MTMR4: variants seen among roughly 807,000 people sequenced by gnomAD.
MTMR4 encodes phosphatidylinositol-3,5-bisphosphate 3-phosphatase MTMR4.
Under a neutral mutation model 125.5 loss-of-function variants are expected in MTMR4, and 30 were observed. That is an observed-to-expected ratio of 0.24 (90% CI 0.18 to 0.32). The LOEUF (loss-of-function observed/expected upper bound fraction) is 0.32, where lower values mean the gene tolerates loss of function less well. MTMR4 is among the 10% of genes least tolerant of loss of function. The pLI is 1.00. For missense variants in MTMR4, 1,039 were observed against 1,511.5 expected (o/e 0.69, Z 5.18); for synonymous variants, 498 against 564.5 (o/e 0.88, Z 1.67).
At chr17:58,492,270 C>T (rs1041052164) in intron 17 of MTMR4, among the ~76,000 whole-genome samples, 19 of 152,190 alleles carry the variant, frequency 1.2e-4, no homozygotes, top group African/African-American at 4.3e-4. Flanking sequence ...CTCCCTGGTT[C>T]GAGCTATTCT....
Position 58,512,561 on chromosome 17 carries a change from T to C in MTMR4, c.136-55A>G. On this transcript the variant is annotated intron_variant, in intron 2 of 17. Transcript: ENST00000682306. The surrounding 1 kb of genome is among the most constrained non-coding windows in gnomAD (Gnocchi z 4.1). ...AGAAGTGAGTGACCACCTTATCCTC[T>C]TCTACAGCCCCTGATCTGTGGGATC... 3 of 1,377,472 alleles carry C rather than the reference T, an allele frequency of 2.2e-6. No homozygotes were observed. The allele number at this position is 1,377,472 out of a possible 1,614,324, so 85.3% of individuals were successfully genotyped here.
Position 58,491,734 on chromosome 17 carries a change from T to C in MTMR4, c.3559A>G (p.Ile1187Val). The C allele has an allele frequency of 1.9e-6, 3 of 1,614,142 alleles. No individual in the cohort carries two copies. Among genetic ancestry groups the C allele is most frequent in the Non-Finnish European group, 2.5e-6 (3 of 1,179,980 alleles). Residue 1187 changes from isoleucine to valine, a missense_variant, in exon 18 of 18, where the codon ATT (isoleucine) becomes GTT (valine). Transcript: ENST00000682306. ...VLVCNSCYEH[I>V]QVSRARELMS... Reference sequence around the variant, plus strand: ...AGTTCCCTGGCACGAGAGACTTGAATGTGTTCGTAACATGAGTTACAGACG... The same window carrying C: ...AGTTCCCTGGCACGAGAGACTTGAACGTGTTCGTAACATGAGTTACAGACG...
chr17:58,502,135 TA>T lies in MTMR4; in HGVS notation c.1853+1608del, dbSNP rs566122065. 2.4e-4 allele frequency among the ~76,000 whole-genome samples: 36 copies of T among 147,918 alleles called. 1 individual carries two copies. The East Asian group carries it at 7.2e-3, about 29-fold the overall frequency. ...ATGTACTTAAAAATGGTGTAGATGG[TA>T]AATAGCATGTGTATTTTACAATTTT... On this transcript the variant is annotated intron_variant, in intron 14 of 17. Coordinates refer to ENST00000682306, the MANE Select transcript of MTMR4 (RefSeq NM_001378067.1).
chr17:58,505,491 G>T lies in MTMR4; in HGVS notation c.1126C>A (p.Gln376Lys). The T allele has an allele frequency of 6.2e-7, 1 of 1,612,784 alleles. No homozygotes were observed. The highest frequency in any genetic ancestry group is 8.5e-7 in the Non-Finnish European group (1 of 1,179,204). Residue 376 changes from glutamine to lysine, a missense_variant, in exon 10 of 18, where the codon CAG becomes AAG. Transcript: ENST00000682306. ...SFQYLRAVCS[Q>K]MPDPSNWLSA... ...ACCTACTTGCTAGGATCCGGCATCTGGCTACACACAGCCCGGAGGTACTGA... is the reference window on the plus strand; with the variant it reads ...ACCTACTTGCTAGGATCCGGCATCTTGCTACACACAGCCCGGAGGTACTGA...
Position 58,496,128 on chromosome 17 carries a change from C to T in MTMR4, c.2056G>A (p.Glu686Lys), listed in dbSNP as rs1377762937. 1 of 1,614,206 alleles carries T rather than the reference C, an allele frequency of 6.2e-7. No homozygotes were observed. The highest frequency in any genetic ancestry group is 1.7e-5 in the Admixed American group (1 of 60,028). Residue 686 changes from glutamate (E) to lysine (K), a missense_variant, in exon 15 of 18, where the codon GAA becomes AAA. By Grantham distance (56) the Glu-to-Lys change is moderately conservative (BLOSUM62 1). Around this residue, in one of 6 missense-constraint regions of MTMR4, gnomAD observed 619 missense variants for 714.5 expected, o/e 0.87. Transcript: ENST00000682306. ...GVGGPQQTVG[E>K]VGLPPPLPSS... ...GGCAGAGGAGGAGGAAGACCCACTT[C>T]TCCTACAGTTTGCTGAGGCCCTCCT... is the stretch of plus-strand genomic sequence containing the variant.
chr17:58,506,843 C>T lies in MTMR4; in HGVS notation c.933G>A (p.Val311=). The T allele has an allele frequency of 6.2e-7, 1 of 1,613,110 alleles. No homozygotes were observed. The highest frequency in any genetic ancestry group is 8.5e-7 in the Non-Finnish European group (1 of 1,179,838). The change falls in exon 9 of 18, where the codon GTG becomes GTA. Residue 311 remains valine, a synonymous_variant. Coordinates refer to ENST00000682306, the MANE Select transcript of MTMR4 (RefSeq NM_001378067.1). Reference sequence around the variant, plus strand: ...GCTTTTGAGGAGCTGCTGTGCTCTCCACTCCAGAGCACGCAGTCAGAGAAG... The same window carrying T: ...GCTTTTGAGGAGCTGCTGTGCTCTCTACTCCAGAGCACGCAGTCAGAGAAG... ...FDSSLTACSG[V]ESTAAPQKLL...
At chr17:58,516,593 C>T (rs746838309), upstream of MTMR4, 1 of 1,614,164 alleles carries the variant, frequency 6.2e-7, no homozygotes, top group Non-Finnish European at 8.5e-7. Context: ...TCTACCGTGG[C>T]AAGGGTACTG....
Position 58,495,670 on chromosome 17 carries a change from A to C in MTMR4, c.2514T>G (p.Thr838=). The change falls in exon 15 of 18, where the codon ACT becomes ACG. Residue 838 remains threonine, a synonymous_variant. Coordinates refer to ENST00000682306, the MANE Select transcript of MTMR4 (RefSeq NM_001378067.1). ...GGAAGTCAGTGCTTGGGTCTAGAGG[A>C]GTTTGGCAGGCAGCACTCGGTGGGT... is the stretch of plus-strand genomic sequence containing the variant. ...VCNPPSAACQ[T]PLDPSTDFLN... is the part of the protein sequence containing the mutation. 1.2e-6 allele frequency: 2 copies of C among 1,614,078 alleles called. No homozygotes were observed. Among genetic ancestry groups the C allele is most frequent in the Non-Finnish European group, 8.5e-7 (1 of 1,180,012 alleles).
At chr17:58,516,485 G>A (rs1976088113), upstream of MTMR4, 1 of 1,331,232 alleles carries the variant, frequency 7.5e-7, no homozygotes, top group African/African-American at 1.4e-5. Flanking sequence ...AGGGTAGCCT[G>A]GAGCTCAAGG....
intron 14 of MTMR4, 71 bp downstream of exon 14, chr17:58,503,673 T>G: frequency 6.7e-7 from 1 of 1,500,640 alleles, no homozygotes; most frequent in Non-Finnish European, 9.0e-7. Context: ...AAAGAGAACA[T>G]TTAGATGAGA....
upstream of MTMR4, among the ~76,000 whole-genome samples, chr17:58,518,180 A>C (rs775032743): frequency 3.3e-5 from 5 of 152,242 alleles, no homozygotes; most frequent in Non-Finnish European, 7.3e-5. Flanking sequence ...GAGAGCAGTA[A>C]AGAGGGGGCT....
chr17:58,514,233 C>T, intron 1 of MTMR4, 130 bp downstream of exon 1: 1 of 840,690 alleles, frequency 1.2e-6, no homozygotes, highest in South Asian at 5.4e-5. Context: ...GTTAACCCAC[C>T]TTCCCTGCCC....
chr17:58,493,740 T>A (rs1182747710), intron 15 of MTMR4, among the ~76,000 whole-genome samples: 2 of 151,518 alleles, frequency 1.3e-5, no homozygotes, highest in Non-Finnish European at 2.9e-5. Flanking sequence ...TTATTTGGCC[T>A]TTTACAAAAA....
chr17:58,506,011 T>C (rs1168682806), intron 9 of MTMR4, among the ~76,000 whole-genome samples: 1 of 152,176 alleles, frequency 6.6e-6, no homozygotes, highest in Non-Finnish European at 1.5e-5. Context: ...CACTCCAGGA[T>C]AGGAACTAAA....
At chr17:58,491,982 G>A in intron 17 of MTMR4, 142 bp from the exon 18 acceptor site, 1 of 519,992 alleles carries the variant, frequency 1.9e-6, no homozygotes, top group Non-Finnish European at 3.2e-6. Flanking sequence ...ACTTGCCTGA[G>A]CAACATAGCA....
At chr17:58,499,632 T>A (rs1975566754) in intron 14 of MTMR4, among the ~76,000 whole-genome samples, 1 of 151,890 alleles carries the variant, frequency 6.6e-6, no homozygotes, top group Admixed American at 6.6e-5. Context: ...GTCCAGTTTT[T>A]TTTTTTTTTG....
Position 58,495,023 on chromosome 17 carries a change from C to T in MTMR4, c.3161G>A (p.Arg1054His), listed in dbSNP as rs948182809. The change falls in exon 15 of 18, where the codon CGT (arginine) becomes CAT (histidine). Residue 1054 changes from arginine to histidine, a missense_variant. By Grantham distance (29) the Arg-to-His change is conservative. Around this residue, in one of 6 missense-constraint regions of MTMR4, gnomAD observed 619 missense variants for 714.5 expected, o/e 0.87. Coordinates refer to ENST00000682306, the MANE Select transcript of MTMR4 (RefSeq NM_001378067.1). ...AGYKQEVEQL[R>H]RQVRELQMRL... ...CATCTGAAGCTCACGCACCTGTCGA[C>T]GTAGCTGCTCCACCTCTTGTTTGTA... 12 of 1,614,130 alleles carry T rather than the reference C, an allele frequency of 7.4e-6. No homozygotes were observed. Among genetic ancestry groups the T allele is most frequent in the Non-Finnish European group, 1.0e-5 (12 of 1,180,058 alleles).
In MTMR4 at chr17:58,494,870, A is replaced by G. The variant is rs982070997; in HGVS notation, c.3252+62T>C. 7.4e-6 allele frequency: 11 copies of G among 1,494,890 alleles called. No homozygotes were observed. The African/African-American group carries it at 8.3e-5, about 11-fold the overall frequency. The allele number at this position is 1,494,890 out of a possible 1,614,324, so 92.6% of individuals were successfully genotyped here. A position where few individuals can be genotyped will look rare whatever the true frequency, so the allele number is the denominator to read the frequency against. On this transcript the variant is annotated intron_variant, in intron 15 of 17. Transcript: ENST00000682306. ...CAAGTACCCAACGAATAAATGCTGA[A>G]TGGAGGGAAGGCTGGATGAACAGAG...
At chr17:58,498,561 G>A (rs1236671950) in intron 14 of MTMR4, among the ~76,000 whole-genome samples, 48 of 102,492 alleles carry the variant, frequency 4.7e-4, no homozygotes, top group Non-Finnish European at 8.9e-4. Context: ...GGGAGGAGGG[G>A]GAGGAGGGGG....
Sources: allele counts gnomAD v4.1 joint callset (sites outside exome capture counted in the v4.1 genomes callset), GRCh38; gene constraint gnomAD v4.1.1; regional missense constraint gnomAD v4.1.1; non-coding constraint Gnocchi (gnomAD v3.1); transcripts MANE v1.5; gene names NCBI Gene and HGNC (gene_info 2026-07-23, HGNC 2026-07-21).